GRIN2B: variants seen among roughly 807,000 people sequenced by gnomAD.
GRIN2B encodes glutamate ionotropic receptor NMDA type subunit 2B, also known as glutamate receptor ionotropic, NMDA 2B.
Under a neutral mutation model 114.5 loss-of-function variants are expected in GRIN2B, and 5 were observed. The observed-to-expected ratio is 0.04, with a 90% CI of 0.02 to 0.09. GRIN2B has a LOEUF of 0.09. Among genes scored for constraint, GRIN2B ranks in the 10% least tolerant of loss-of-function variants. GRIN2B has a pLI of 1.00. For synonymous variants in GRIN2B, 787 were observed against 745.1 expected, an observed-to-expected ratio of 1.06 and a Z score of -0.92; for missense variants, 1,108 against 1,943.5, an observed-to-expected ratio of 0.57 and a Z score of 8.08.
At chr12:13,714,186 C>T (rs1421499897) in intron 4 of GRIN2B, among the ~76,000 whole-genome samples, 1 of 151,774 alleles carries the variant, frequency 6.6e-6, no homozygotes, top group East Asian at 1.9e-4. Context: ...GAGATGTCAG[C>T]TTGTCAAGTC....
intron 5 of GRIN2B, among the ~76,000 whole-genome samples, chr12:13,620,180 T>C (rs1383161199): frequency 1.3e-5 from 2 of 152,194 alleles, no homozygotes; most frequent in Non-Finnish European, 2.9e-5. Flanking sequence ...GTTATTTATC[T>C]GCCAAGGAAA....
At chr12:13,968,020 T>C (rs1867815965) in intron 2 of GRIN2B, among the ~76,000 whole-genome samples, 1 of 152,228 alleles carries the variant, frequency 6.6e-6, no homozygotes, top group Non-Finnish European at 1.5e-5. Flanking sequence ...AGATTAGTTT[T>C]GCTCTCCTTT....
At chr12:13,628,609 A>C (rs1165499362) in intron 5 of GRIN2B, among the ~76,000 whole-genome samples, 1 of 152,232 alleles carries the variant, frequency 6.6e-6, no homozygotes, top group Admixed American at 6.5e-5. Flanking sequence ...ATTGGTTCTC[A>C]AGCAAATTTC....
At chr12:13,731,656 A>AT (rs1424253971) in intron 4 of GRIN2B, among the ~76,000 whole-genome samples, 1 of 152,046 alleles carries the variant, frequency 6.6e-6, no homozygotes, top group African/African-American at 2.4e-5. Flanking sequence ...AGCTTTGACC[A>AT]TTTTGTCCCC....
intron 2 of GRIN2B, among the ~76,000 whole-genome samples, chr12:13,937,263 T>A (rs76973616): frequency 0.048 from 7,352 of 151,920 alleles, 239 homozygotes; most frequent in South Asian, 0.074. Flanking sequence ...AGCCAAAAAT[T>A]TCCCGAATGC....
At chr12:13,859,236 T>C (rs534855370) in intron 3 of GRIN2B, among the ~76,000 whole-genome samples, 99 of 152,350 alleles carry the variant, frequency 6.5e-4, no homozygotes, top group Non-Finnish European at 1.1e-3. Context: ...TCTCTCCTTG[T>C]GCTGGTACCT....
At chr12:13,613,982 T>TATATCTC (rs1949399400) in intron 8 of GRIN2B, among the ~76,000 whole-genome samples, 1 of 139,740 alleles carries the variant, frequency 7.2e-6, no homozygotes, top group Admixed American at 8.0e-5. Flanking sequence ...TGGTTTTGTT[T>TATATCTC]ATATCTCTTA....
chr12:13,694,381 C>G (rs1056016622), intron 4 of GRIN2B, among the ~76,000 whole-genome samples: 2 of 151,916 alleles, frequency 1.3e-5, no homozygotes, highest in African/African-American at 4.8e-5. Flanking sequence ...GCTCATTGAA[C>G]CCTATGATGT....
At chr12:13,937,026 C>T (rs977838016) in intron 2 of GRIN2B, among the ~76,000 whole-genome samples, 104 of 145,918 alleles carry the variant, frequency 7.1e-4, no homozygotes, top group African/African-American at 2.4e-3. Context: ...CCTTGGCTGT[C>T]TGCCTAGAGA....
chr12:13,618,045 T>C (rs1349764557), intron 5 of GRIN2B, among the ~76,000 whole-genome samples: 4 of 152,264 alleles, frequency 2.6e-5, no homozygotes, highest in African/African-American at 9.6e-5. Flanking sequence ...TGCTTCTTTG[T>C]TCAGAATCAT....
At chr12:13,646,875 CT>C (rs1230751858) in intron 5 of GRIN2B, among the ~76,000 whole-genome samples, 1 of 152,018 alleles carries the variant, frequency 6.6e-6, no homozygotes, top group Non-Finnish European at 1.5e-5. Context: ...TCCTCTTGGC[CT>C]TGAGGAAGTA....
rs1591732785 is a variant in GRIN2B, at chr12:13,791,036, T to C, written c.412-37121A>G. ...GCTTGGCATCAGGGAAAGGAGAAGG[T>C]GGCTTGGGGCAGCCCTCAGGGTGGC... On this transcript the variant is annotated intron_variant, in intron 3 of 13. Transcript: ENST00000609686. Among the ~76,000 whole-genome samples, 4 of 152,188 alleles carry C rather than the reference T, an allele frequency of 2.6e-5. No homozygotes were observed. The South Asian group carries it at 6.2e-4, about 24-fold the overall frequency.
chr12:13,629,684 C>CTT (rs1949601214), intron 5 of GRIN2B, among the ~76,000 whole-genome samples: 1 of 152,072 alleles, frequency 6.6e-6, no homozygotes, highest in Non-Finnish European at 1.5e-5. Context: ...CTCCCTCTCT[C>CTT]TTTTCCTCTC....
At chr12:13,813,186 C>G (rs148509898) in intron 3 of GRIN2B, among the ~76,000 whole-genome samples, 3 of 151,976 alleles carry the variant, frequency 2.0e-5, no homozygotes, top group Non-Finnish European at 4.4e-5. Flanking sequence ...CCACCCATCT[C>G]GGCCTCCCAA....
chr12:13,685,170 TG>T (rs1950166370), intron 4 of GRIN2B, among the ~76,000 whole-genome samples: 1 of 152,228 alleles, frequency 6.6e-6, no homozygotes, highest in Non-Finnish European at 1.5e-5. Flanking sequence ...TTCCTCAATT[TG>T]TCCTTTCTGT....
At chr12:13,681,087 C>T (rs1036226824) in intron 4 of GRIN2B, among the ~76,000 whole-genome samples, 25 of 152,122 alleles carry the variant, frequency 1.6e-4, no homozygotes, top group African/African-American at 3.9e-4. Context: ...AATGATTTAG[C>T]GGCATACCTT....
At chr12:13,842,720 T>G (rs532388330) in intron 3 of GRIN2B, among the ~76,000 whole-genome samples, 2 of 152,154 alleles carry the variant, frequency 1.3e-5, no homozygotes, top group African/African-American at 2.4e-5. Context: ...AAAAGTAGGC[T>G]AACTTCTACA....
At chr12:13,802,718 A>G (rs772950818) in intron 3 of GRIN2B, among the ~76,000 whole-genome samples, 1 of 152,310 alleles carries the variant, frequency 6.6e-6, no homozygotes, top group Admixed American at 6.5e-5. Context: ...AATACAAAAC[A>G]GTATGTGCAA....
intron 3 of GRIN2B, among the ~76,000 whole-genome samples, chr12:13,795,987 C>T (rs1042796682): frequency 2.0e-5 from 3 of 150,440 alleles, no homozygotes; most frequent in Non-Finnish European, 2.9e-5. Flanking sequence ...ATGTAAATGA[C>T]GAGTTAATGG....
Sources: allele counts gnomAD v4.1 joint callset (sites outside exome capture counted in the v4.1 genomes callset), GRCh38; gene constraint gnomAD v4.1.1; transcripts MANE v1.5; gene names NCBI Gene and HGNC (gene_info 2026-07-23, HGNC 2026-07-21).